DNAH9: variants seen among roughly 807,000 people sequenced by gnomAD.
DNAH9 encodes the protein dynein axonemal heavy chain 9, also known as DNAH9 variant protein.
A neutral mutation model predicts 471.6 loss-of-function variants in DNAH9; 345 were observed. The ratio of observed to expected loss-of-function variants is 0.73; its 90% CI spans 0.67 to 0.80. The LOEUF (loss-of-function observed/expected upper bound fraction) is 0.80, where lower values mean the gene tolerates loss of function less well. Ranked by LOEUF, DNAH9 falls within the 30% of genes least tolerant of loss-of-function variation. DNAH9 has a pLI of 0.00. For synonymous variants in DNAH9, 2,093 were observed against 2,123.6 expected (o/e 0.99, Z 0.40); for missense variants, 5,407 against 5,609.2 (o/e 0.96, Z 1.15).
At chr17:11,930,180 A>G in intron 63 of DNAH9, 87 bp downstream of exon 63, 5 of 1,193,028 alleles carry the variant, frequency 4.2e-6, no homozygotes, top group Non-Finnish European at 6.0e-6. Context: ...GCAACTCAGA[A>G]GGGAGTCGGG....
rs371121904 is a variant in DNAH9, at chr17:11,768,736, C to G, written c.7344+110C>G. ...TCTGAGCATTTGTCCTTGCTAGGAACTAGTCATCCCCAGCTCCATGACTTT... is the reference window on the plus strand; with the variant it reads ...TCTGAGCATTTGTCCTTGCTAGGAAGTAGTCATCCCCAGCTCCATGACTTT... On this transcript the variant is annotated intron_variant, in intron 37 of 68. Coordinates refer to ENST00000262442, the MANE Select transcript of DNAH9 (RefSeq NM_001372.4). 3.8e-6 allele frequency: 5 copies of G among 1,323,730 alleles called. No individual in the cohort carries two copies. In the African/African-American group the frequency reaches 5.9e-5, roughly 16 times the overall value. 82.0% of individuals were successfully genotyped at this position (1,323,730 alleles called of 1,614,324 possible). A position where few individuals can be genotyped will look rare whatever the true frequency, so the allele number is the denominator to read the frequency against.
intron 65 of DNAH9, among the ~76,000 whole-genome samples, chr17:11,936,595 G>C (rs12952154): frequency 0.27 from 40,529 of 151,928 alleles, 5,873 homozygotes; most frequent in Non-Finnish European, 0.33. Context: ...GTACTCTACT[G>C]TACACTACTG....
At chr17:11,843,861 GTGTA>G (rs1186547385) in intron 49 of DNAH9, among the ~76,000 whole-genome samples, 2 of 54,188 alleles carry the variant, frequency 3.7e-5, no homozygotes, top group African/African-American at 1.5e-4. Flanking sequence ...GTGTGTGTGT[GTGTA>G]TATATATATA....
intron 14 of DNAH9, among the ~76,000 whole-genome samples, chr17:11,663,822 A>T (rs2073818658): frequency 6.6e-6 from 1 of 152,106 alleles, no homozygotes; most frequent in East Asian, 1.9e-4. Context: ...CCCGAGAGAA[A>T]CTCTGTCTTG....
chr17:11,934,791 A>G (rs1974650536), intron 65 of DNAH9, among the ~76,000 whole-genome samples: 1 of 151,850 alleles, frequency 6.6e-6, no homozygotes, highest in South Asian at 2.1e-4. Context: ...TTCAGGCAAG[A>G]CCTTAGCCAA....
chr17:11,598,963 GGGA>G, intron 1 of DNAH9, 48 bp downstream of exon 1: 1 of 1,396,788 alleles, frequency 7.2e-7, no homozygotes, highest in Non-Finnish European at 9.4e-7. Flanking sequence ...GGTGGGGGAG[GGGA>G]GGAGGAGCCT....
At chr17:11,802,598 T>C (rs1323415184) in intron 43 of DNAH9, among the ~76,000 whole-genome samples, 1 of 149,376 alleles carries the variant, frequency 6.7e-6, no homozygotes, top group Non-Finnish European at 1.5e-5. Context: ...TGCCGCTGCA[T>C]TCCAGCCTGA....
At chr17:11,866,601 T>G (rs1449739842) in intron 50 of DNAH9, among the ~76,000 whole-genome samples, 2 of 151,936 alleles carry the variant, frequency 1.3e-5, no homozygotes, top group African/African-American at 4.8e-5. Context: ...TCTTTTTGTT[T>G]GTCTGTGCCC....
At chr17:11,888,141 C>A (rs919366297) in intron 57 of DNAH9, among the ~76,000 whole-genome samples, 14 of 151,872 alleles carry the variant, frequency 9.2e-5, no homozygotes, top group African/African-American at 3.4e-4. Context: ...CACCACCGCA[C>A]CTGGCTAATT....
Position 11,797,584 on chromosome 17 carries a change from G to T in DNAH9, c.8224-13G>T. 6.2e-7 allele frequency: 1 copy of T among 1,602,554 alleles called. No individual in the cohort carries two copies. ...CAATAATGAGGGCCCTTATTCCTGT[G>T]TCTCATCACCAGGATATTGAAGACC... On this transcript the variant is annotated splice_polypyrimidine_tract_variant and intron_variant, in intron 42 of 68. Transcript: ENST00000262442.
In DNAH9 at chr17:11,892,049, T is replaced by C; in HGVS notation, c.11283+102T>C. ...TCTTTGAACATCACTTTCCACAGCA[T>C]GTCCAGACTATCTGTCTTTGGATAG... is the stretch of plus-strand genomic sequence containing the variant. On this transcript the variant is annotated intron_variant, in intron 58 of 68. Transcript: ENST00000262442. This position sits in a 1 kb window ranked among gnomAD's most constrained non-coding sequence, Gnocchi z 4.3. 7.4e-7 allele frequency: 1 copy of C among 1,343,244 alleles called. No individual in the cohort carries two copies. The highest frequency in any genetic ancestry group is 1.0e-6 in the Non-Finnish European group (1 of 961,726). The allele number at this position is 1,343,244 out of a possible 1,614,324, so 83.2% of individuals were successfully genotyped here. A position where few individuals can be genotyped will look rare whatever the true frequency, so the allele number is the denominator to read the frequency against.
chr17:11,813,925 G>A (rs1228226430), intron 45 of DNAH9, among the ~76,000 whole-genome samples: 1 of 152,182 alleles, frequency 6.6e-6, no homozygotes, highest in Non-Finnish European at 1.5e-5. Context: ...ATACATAACT[G>A]TATAAGAACT....
At chr17:11,901,129 G>C (rs754447684) in intron 59 of DNAH9, among the ~76,000 whole-genome samples, 1 of 152,296 alleles carries the variant, frequency 6.6e-6, no homozygotes, top group East Asian at 1.9e-4. Flanking sequence ...TGATGCTTAG[G>C]GGGTGGGGCC....
intron 32 of DNAH9, among the ~76,000 whole-genome samples, chr17:11,752,138 T>G (rs1048261241): frequency 5.9e-5 from 9 of 152,206 alleles, no homozygotes; most frequent in Admixed American, 5.9e-4. Context: ...GGAAGTTTAA[T>G]ATCATAAAAA....
chr17:11,687,039 TG>T (rs886249172), intron 19 of DNAH9, among the ~76,000 whole-genome samples: 9 of 152,186 alleles, frequency 5.9e-5, no homozygotes. Flanking sequence ...TCTTTTTTGC[TG>T]GGCCCCTTGC....
intron 27 of DNAH9, among the ~76,000 whole-genome samples, chr17:11,720,115 G>A (rs1050532755): frequency 6.6e-6 from 1 of 151,942 alleles, no homozygotes; most frequent in African/African-American, 2.4e-5. Flanking sequence ...CTGAGTCACC[G>A]AGAAAAGCCA....
intron 45 of DNAH9, among the ~76,000 whole-genome samples, chr17:11,811,636 A>G (rs1672062457): frequency 6.6e-6 from 1 of 152,116 alleles, no homozygotes. Flanking sequence ...CAGAGTGGGT[A>G]TGACCTGGTT....
At chr17:11,689,094 C>CA (rs113884616) in intron 19 of DNAH9, among the ~76,000 whole-genome samples, 26,936 of 147,388 alleles carry the variant, frequency 0.18, 2,535 homozygotes, top group African/African-American at 0.24. Context: ...GACTCTGTCT[C>CA]AAAAAAAAAA....
chr17:11,968,549 A>G (rs1567588473), intron 68 of DNAH9, among the ~76,000 whole-genome samples: 2 of 152,220 alleles, frequency 1.3e-5, no homozygotes, highest in African/African-American at 2.4e-5. Context: ...GGGAAACACC[A>G]GGTTAAATAA....
Sources: allele counts gnomAD v4.1 joint callset (sites outside exome capture counted in the v4.1 genomes callset), GRCh38; gene constraint gnomAD v4.1.1; non-coding constraint Gnocchi (gnomAD v3.1); transcripts MANE v1.5; gene names NCBI Gene and HGNC (gene_info 2026-07-23, HGNC 2026-07-21).